GLRA2: variants seen among roughly 807,000 people sequenced by gnomAD.
The protein encoded by GLRA2 is glycine receptor alpha 2.
Under a neutral mutation model 31.6 loss-of-function variants are expected in GLRA2, and 11 were observed. The ratio of observed to expected loss-of-function variants is 0.35; its 90% CI spans 0.22 to 0.58. The LOEUF (loss-of-function observed/expected upper bound fraction) is 0.58, where lower values mean the gene tolerates loss of function less well. Among genes scored for constraint, GLRA2 ranks in the 20% least tolerant of loss-of-function variants. GLRA2 has a pLI of 0.84. For missense variants in GLRA2, 212 were observed against 351.8 expected, an observed-to-expected ratio of 0.60 and a Z score of 3.18; for synonymous variants, 132 against 134.0, an observed-to-expected ratio of 0.99 and a Z score of 0.10.
chrX:14,509,171 C>T, the GLRA2 span, among the ~76,000 whole-genome samples: 1 of 112,203 alleles, frequency 8.9e-6, no homozygotes, highest in Non-Finnish European at 1.9e-5. Context: ...TCTTAAATAA[C>T]CTAAGCTAGC....
intron 8 of GLRA2, among the ~76,000 whole-genome samples, chrX:14,709,266 C>T (rs142560828): frequency 2.5e-4 from 28 of 111,130 alleles, no homozygotes; most frequent in Non-Finnish European, 4.0e-4. Flanking sequence ...CTACAGACCC[C>T]CCATCATGTG....
At chrX:14,490,426 G>A in the GLRA2 span, among the ~76,000 whole-genome samples, 1 of 112,117 alleles carries the variant, frequency 8.9e-6, no homozygotes, top group Non-Finnish European at 1.9e-5. Context: ...TTTTTTCATA[G>A]TCAAATTAAT....
the GLRA2 span, among the ~76,000 whole-genome samples, chrX:14,472,303 A>G: frequency 8.9e-6 from 1 of 112,199 alleles, no homozygotes; most frequent in Non-Finnish European, 1.9e-5. Context: ...GATTCTTTTC[A>G]AGAGCACTGG....
chrX:14,463,816 CT>C, the GLRA2 span, among the ~76,000 whole-genome samples: 1 of 111,959 alleles, frequency 8.9e-6, no homozygotes, highest in African/African-American at 3.2e-5. Flanking sequence ...CCCCTGACCC[CT>C]TGTGCTTCCC....
chrX:14,590,069 C>G (rs2090130173), intron 4 of GLRA2, among the ~76,000 whole-genome samples: 1 of 110,913 alleles, frequency 9.0e-6, no homozygotes, highest in Non-Finnish European at 1.9e-5. Context: ...CAATAGCACC[C>G]CATATCACCA....
intron 2 of GLRA2, among the ~76,000 whole-genome samples, chrX:14,544,103 A>G (rs947674389): frequency 8.9e-6 from 1 of 112,034 alleles, no homozygotes; most frequent in Non-Finnish European, 1.9e-5. Flanking sequence ...CATGGTCAAC[A>G]TTAGCATTAT....
chrX:14,703,683 A>G (rs2091579528), intron 8 of GLRA2, among the ~76,000 whole-genome samples: 1 of 111,538 alleles, frequency 9.0e-6, no homozygotes, highest in Non-Finnish European at 1.9e-5. Context: ...CTCCATGCAC[A>G]CTCAGGACAG....
chrX:14,668,848 A>G (rs2091061523), intron 7 of GLRA2, among the ~76,000 whole-genome samples: 2 of 111,288 alleles, frequency 1.8e-5, no homozygotes, highest in Non-Finnish European at 3.8e-5. Flanking sequence ...TTCTGCCCCT[A>G]GCCCCTCTAA....
intron 7 of GLRA2, among the ~76,000 whole-genome samples, chrX:14,690,342 A>G (rs1447827385): frequency 1.8e-5 from 2 of 111,967 alleles, no homozygotes; most frequent in Non-Finnish European, 1.9e-5. Flanking sequence ...ACATGTTTCA[A>G]TATATGTACA....
intron 8 of GLRA2, among the ~76,000 whole-genome samples, chrX:14,706,332 T>C (rs905122815): frequency 8.9e-6 from 1 of 112,004 alleles, no homozygotes; most frequent in African/African-American, 3.2e-5. Flanking sequence ...CTCTAGAATA[T>C]ATCGCAGAGA....
intron 8 of GLRA2, among the ~76,000 whole-genome samples, chrX:14,694,072 A>G (rs1481245014): frequency 2.7e-5 from 3 of 111,400 alleles, no homozygotes; most frequent in Admixed American, 9.5e-5. Context: ...AAAAACTATG[A>G]AAAAAAACAC....
chrX:14,554,013 G>T (rs1208149362), intron 2 of GLRA2, among the ~76,000 whole-genome samples: 1 of 112,098 alleles, frequency 8.9e-6, no homozygotes, highest in Non-Finnish European at 1.9e-5. Context: ...CACAAACTAC[G>T]TAAGCACCCA....
chrX:14,676,861 CAA>C (rs1353120660), intron 7 of GLRA2, among the ~76,000 whole-genome samples: 1 of 111,315 alleles, frequency 9.0e-6, no homozygotes, highest in African/African-American at 3.3e-5. Flanking sequence ...TAAAACTTGC[CAA>C]AGTTTTCAAA....
At chrX:14,626,934 A>G (rs1337220053) in intron 7 of GLRA2, among the ~76,000 whole-genome samples, 2 of 111,652 alleles carry the variant, frequency 1.8e-5, no homozygotes, top group South Asian at 3.7e-4. Context: ...AAGTTAATCT[A>G]TGGTACTCAA....
chrX:14,686,643 C>CT (rs1014278320), intron 7 of GLRA2, among the ~76,000 whole-genome samples: 4 of 110,778 alleles, frequency 3.6e-5, no homozygotes, highest in Admixed American at 9.6e-5. Context: ...CAAGTCCTGC[C>CT]TTTTTTTTGT....
At chrX:14,508,276 A>G in the GLRA2 span, among the ~76,000 whole-genome samples, 5 of 112,595 alleles carry the variant, frequency 4.4e-5, no homozygotes, top group African/African-American at 1.6e-4. Flanking sequence ...TCAGGGGATA[A>G]TTAAAAGTCA....
At chrX:14,549,564 G>C (rs2089527729) in intron 2 of GLRA2, among the ~76,000 whole-genome samples, 1 of 111,580 alleles carries the variant, frequency 9.0e-6, no homozygotes, top group Non-Finnish European at 1.9e-5. Context: ...AGATTCACAA[G>C]ATAAACTTAA....
chrX:14,608,160 A>G (rs2090357656), intron 6 of GLRA2, among the ~76,000 whole-genome samples: 1 of 111,651 alleles, frequency 9.0e-6, no homozygotes, highest in South Asian at 3.7e-4. Flanking sequence ...ATTCAACCCT[A>G]TATCTTGTAA....
chrX:14,606,077 A>G (rs898748967), intron 5 of GLRA2, among the ~76,000 whole-genome samples: 1 of 107,949 alleles, frequency 9.3e-6, no homozygotes, highest in Non-Finnish European at 1.9e-5. Context: ...GTAGATTACA[A>G]TTAAACTTGC....
Sources: allele counts gnomAD v4.1 joint callset (sites outside exome capture counted in the v4.1 genomes callset), GRCh38; gene constraint gnomAD v4.1.1; transcripts MANE v1.5; gene names NCBI Gene and HGNC (gene_info 2026-07-23, HGNC 2026-07-21).